CELF2: variants seen among roughly 807,000 people sequenced by gnomAD.
The protein encoded by CELF2 is CUGBP Elav-like family member 2, also known as CUG triplet repeat RNA-binding protein 2.
Under a neutral mutation model 62.6 loss-of-function variants are expected in CELF2, and 8 were observed. The ratio of observed to expected loss-of-function variants is 0.13; its 90% CI spans 0.07 to 0.23. The LOEUF is 0.23. Ranked by LOEUF, CELF2 falls within the 10% of genes least tolerant of loss-of-function variation. The pLI is 1.00. For missense variants in CELF2, 333 were observed against 671.0 expected, an observed-to-expected ratio of 0.50 and a Z score of 5.56; for synonymous variants, 258 against 250.0, an observed-to-expected ratio of 1.03 and a Z score of -0.30.
the CELF2 span, among the ~76,000 whole-genome samples, chr10:10,733,064 T>A: frequency 6.6e-6 from 1 of 152,126 alleles, no homozygotes. Flanking sequence ...GACCATATTT[T>A]AAAAAATAAC....
chr10:11,165,739 G>A lies in CELF2; in HGVS notation c.271+57G>A. On this transcript the variant is annotated intron_variant, in intron 2 of 12. Coordinates refer to ENST00000633077, the MANE Select transcript of CELF2 (RefSeq NM_001326342.2). This position sits in a 1 kb window ranked among gnomAD's most constrained non-coding sequence, Gnocchi z 7.4. ...TCCAGGTGGGCGTCGCGGGGCACTGGGGCTGTCCGAGCCCCCAGCCTGCAG... is the reference window on the plus strand; with the variant it reads ...TCCAGGTGGGCGTCGCGGGGCACTGAGGCTGTCCGAGCCCCCAGCCTGCAG... The A allele has an allele frequency of 2.0e-6, 3 of 1,503,484 alleles. No homozygotes were observed. The highest frequency in any genetic ancestry group is 2.4e-5 in the South Asian group (2 of 83,362). The allele number at this position is 1,503,484 out of a possible 1,614,324, so 93.1% of individuals were successfully genotyped here. A position where few individuals can be genotyped will look rare whatever the true frequency, so the allele number is the denominator to read the frequency against.
At chr10:11,040,744 T>A (rs2061701159) in intron 1 of CELF2, among the ~76,000 whole-genome samples, 1 of 152,228 alleles carries the variant, frequency 6.6e-6, no homozygotes, top group Non-Finnish European at 1.5e-5. Flanking sequence ...TGAGTTCTTC[T>A]CTTCCAACTG....
upstream of CELF2, among the ~76,000 whole-genome samples, chr10:10,797,970 G>A (rs1435869309): frequency 1.3e-5 from 2 of 152,058 alleles, no homozygotes; most frequent in African/African-American, 2.4e-5. Context: ...TTCAGTAAAT[G>A]ACAAGATACA....
At chr10:10,516,911 G>A in the CELF2 span, among the ~76,000 whole-genome samples, 6 of 151,970 alleles carry the variant, frequency 3.9e-5, no homozygotes, top group South Asian at 2.1e-4. Flanking sequence ...AACCAGCCTG[G>A]CCTTAGAGGG....
At chr10:10,793,798 C>T (rs1564631043), upstream of CELF2, among the ~76,000 whole-genome samples, 1 of 151,962 alleles carries the variant, frequency 6.6e-6, no homozygotes, top group Non-Finnish European at 1.5e-5. Context: ...TATTTTGATG[C>T]CTAGTCAATA....
chr10:10,477,230 T>C, the CELF2 span, among the ~76,000 whole-genome samples: 1 of 152,214 alleles, frequency 6.6e-6, no homozygotes, highest in African/African-American at 2.4e-5. Context: ...TTCAGCTACA[T>C]TTCTGCAGCT....
rs2066874495 is a variant in CELF2, at chr10:11,165,712, C to A, written c.271+30C>A. The A allele has an allele frequency of 6.3e-7, 1 of 1,584,374 alleles. No individual in the cohort carries two copies. Among genetic ancestry groups the A allele is most frequent in the Non-Finnish European group, 8.6e-7 (1 of 1,165,324 alleles). ...AGAGCGCGGGGCGGGGGTCGCCAGG[C>A]GTCCAGGTGGGCGTCGCGGGGCACT... On this transcript the variant is annotated intron_variant, in intron 2 of 12. Transcript: ENST00000633077. The surrounding 1 kb of genome is among the most constrained non-coding windows in gnomAD (Gnocchi z 7.4).
At chr10:10,622,474 G>A in the CELF2 span, among the ~76,000 whole-genome samples, 1 of 151,896 alleles carries the variant, frequency 6.6e-6, no homozygotes, top group East Asian at 1.9e-4. Context: ...ATGTGTGTGT[G>A]TGTGTATATA....
At chr10:11,081,233 T>C (rs2073946257) in intron 1 of CELF2, among the ~76,000 whole-genome samples, 1 of 152,202 alleles carries the variant, frequency 6.6e-6, no homozygotes, top group Non-Finnish European at 1.5e-5. Flanking sequence ...TGTAAGATTT[T>C]TTTTGAAGAA....
intron 9 of CELF2, among the ~76,000 whole-genome samples, chr10:11,291,586 A>G (rs919226628): frequency 3.9e-5 from 6 of 152,232 alleles, no homozygotes; most frequent in African/African-American, 1.4e-4. Flanking sequence ...TATGCCTTTT[A>G]TGAGTTTCTC....
At chr10:10,594,674 C>T in the CELF2 span, among the ~76,000 whole-genome samples, 1 of 152,192 alleles carries the variant, frequency 6.6e-6, no homozygotes, top group African/African-American at 2.4e-5. Flanking sequence ...AGAATTTGCT[C>T]AAGAGCCATA....
At chr10:11,003,842 T>C (rs1373005259), upstream of CELF2, among the ~76,000 whole-genome samples, 1 of 152,052 alleles carries the variant, frequency 6.6e-6, no homozygotes, top group Non-Finnish European at 1.5e-5. The surrounding 1 kb of genome is among the most constrained non-coding windows in gnomAD (Gnocchi z 4.4). Flanking sequence ...AGCAAGAATA[T>C]GTAAAAAAAA....
At chr10:11,317,992 C>G (rs2140817480) in intron 10 of CELF2, 1 of 152,334 alleles carries the variant, frequency 6.6e-6, no homozygotes, top group South Asian at 2.1e-4. Flanking sequence ...AAGCCCTATT[C>G]TTTTAAGTGG....
chr10:11,266,826 C>T (rs374209654), intron 6 of CELF2, 149 bp downstream of exon 6: 2 of 492,240 alleles, frequency 4.1e-6, no homozygotes, highest in East Asian at 7.1e-5. Context: ...TCATTCTCTC[C>T]TTCTCTCTCT....
At chr10:10,642,530 C>G in the CELF2 span, among the ~76,000 whole-genome samples, 2 of 152,202 alleles carry the variant, frequency 1.3e-5, no homozygotes, top group African/African-American at 4.8e-5. Flanking sequence ...AATGAATCTT[C>G]CATGCATGTG....
At chr10:11,124,922 G>A (rs537954843) in intron 1 of CELF2, among the ~76,000 whole-genome samples, 2 of 152,206 alleles carry the variant, frequency 1.3e-5, no homozygotes, top group Admixed American at 6.5e-5. Flanking sequence ...GACCAGGATG[G>A]GGGAGAAAAA....
At chr10:10,926,745 T>C (rs2065508276) in intron 2 of CELF2, among the ~76,000 whole-genome samples, 1 of 152,180 alleles carries the variant, frequency 6.6e-6, no homozygotes, top group African/African-American at 2.4e-5. Context: ...GGGAGGCCTG[T>C]TCTGTCAGCA....
Position 11,227,407 on chromosome 10 carries a change from T to C in CELF2, c.354+9900T>C, listed in dbSNP as rs746292915. 1.3e-5 allele frequency among the ~76,000 whole-genome samples: 2 copies of C among 152,170 alleles called. No individual in the cohort carries two copies. The highest frequency in any genetic ancestry group is 2.9e-5 in the Non-Finnish European group (2 of 68,040). ...GCACAGCAGGATGAACACGGCCCCA[T>C]GAGACAGCGCTGCTGCTCTCCGCAT... On this transcript the variant is annotated intron_variant, in intron 3 of 12. Transcript: ENST00000633077. The surrounding 1 kb of genome is among the most constrained non-coding windows in gnomAD (Gnocchi z 4.8).
At chr10:10,761,527 A>G in the CELF2 span, among the ~76,000 whole-genome samples, 1 of 152,084 alleles carries the variant, frequency 6.6e-6, no homozygotes, top group Admixed American at 6.5e-5. Context: ...GTGTTTTGGG[A>G]TGAGATTAAT....
Sources: allele counts gnomAD v4.1 joint callset (sites outside exome capture counted in the v4.1 genomes callset), GRCh38; gene constraint gnomAD v4.1.1; non-coding constraint Gnocchi (gnomAD v3.1); transcripts MANE v1.5; gene names NCBI Gene and HGNC (gene_info 2026-07-23, HGNC 2026-07-21).